Variants in NPNT observed in about 807,000 individuals in gnomAD.
The protein encoded by NPNT is preosteoblast EGF-like repeat protein with MAM domain.
Under a neutral mutation model 68.6 loss-of-function variants are expected in NPNT, and 45 were observed. The ratio of observed to expected loss-of-function variants is 0.66; its 90% CI spans 0.52 to 0.84. The LOEUF (loss-of-function observed/expected upper bound fraction) is 0.84, where lower values mean the gene tolerates loss of function less well. NPNT is among the 40% of genes least tolerant of loss of function. The probability of loss-of-function intolerance (pLI) is 0.00; values close to 1 mark genes in which losing one functional copy is unlikely to be tolerated. For synonymous variants in NPNT, 233 were observed against 253.3 expected (o/e 0.92, Z 0.76); for missense variants, 672 against 714.8 (o/e 0.94, Z 0.68).
At chr4:105,912,510 G>A in intron 2 of NPNT, 1 of 591,060 alleles carries the variant, frequency 1.7e-6, no homozygotes, top group Non-Finnish European at 2.3e-6. Context: ...TCCATTCTAA[G>A]CTAAAGGACA....
chr4:105,932,632 C>T (rs1239578970), intron 3 of NPNT: 3 of 1,535,776 alleles, frequency 2.0e-6, no homozygotes, highest in Non-Finnish European at 1.7e-6. Context: ...ATCCCAGCTC[C>T]TCTTGACCAA....
At chr4:105,958,022 G>A (rs1054517703) in intron 8 of NPNT, among the ~76,000 whole-genome samples, 1 of 152,118 alleles carries the variant, frequency 6.6e-6, no homozygotes, top group Non-Finnish European at 1.5e-5. Context: ...GAGTTCACTG[G>A]GGGTGGGGAG....
In NPNT at chr4:105,969,630, T is replaced by C. The variant is rs1732432716; in HGVS notation, c.*640T>C. On this transcript the variant is annotated 3_prime_UTR_variant, in exon 12 of 12. Transcript: ENST00000379987. The stretch of plus-strand genomic sequence containing the variant: ...GCACGTAATCCCTCCTTAGTAGTAT[T>C]GTGTTTTGTGTAAATGTGCTATTGA... 1 of 152,214 alleles carries C rather than the reference T, an allele frequency of 6.6e-6. No individual in the cohort carries two copies. Among genetic ancestry groups the C allele is most frequent in the African/African-American group, 2.4e-5 (1 of 41,444 alleles). 9.4% of individuals were successfully genotyped at this position (152,214 alleles called of 1,614,324 possible). A position where few individuals can be genotyped will look rare whatever the true frequency, so the allele number is the denominator to read the frequency against.
chr4:105,942,772 C>T lies in NPNT; in HGVS notation c.1159+70C>T. Reference sequence around the variant, plus strand: ...ATGACTTTTCAACCACAGGCCATGCCTTGAATAAGAATGAAACTCGTAAGA... The same window carrying T: ...ATGACTTTTCAACCACAGGCCATGCTTTGAATAAGAATGAAACTCGTAAGA... On this transcript the variant is annotated intron_variant, in intron 8 of 11. Coordinates refer to ENST00000379987, the MANE Select transcript of NPNT (RefSeq NM_001033047.3). 2.8e-6 allele frequency: 4 copies of T among 1,413,570 alleles called. No individual in the cohort carries two copies. The Admixed American group carries it at 9.0e-5, about 32-fold the overall frequency. 87.6% of individuals were successfully genotyped at this position (1,413,570 alleles called of 1,614,324 possible).
intron 3 of NPNT, among the ~76,000 whole-genome samples, chr4:105,932,304 C>T (rs902619981): frequency 2.0e-5 from 3 of 151,854 alleles, no homozygotes; most frequent in Non-Finnish European, 4.4e-5. Flanking sequence ...CTGTGTATGA[C>T]TAAATAATAC....
At chr4:105,910,143 C>T (rs73839086) in intron 2 of NPNT, among the ~76,000 whole-genome samples, 10,805 of 151,958 alleles carry the variant, frequency 0.071, 686 homozygotes, top group African/African-American at 0.17. Flanking sequence ...AGGACTGGCT[C>T]CAAACCCATA....
At chr4:105,953,266 C>T (rs1413325729) in intron 8 of NPNT, among the ~76,000 whole-genome samples, 1 of 152,178 alleles carries the variant, frequency 6.6e-6, no homozygotes, top group African/African-American at 2.4e-5. Context: ...AGGTATGTCA[C>T]AAAAATTGGG....
chr4:105,934,868 C>G lies in NPNT; in HGVS notation c.266-2141C>G, dbSNP rs563881558. ...GCCATGGGAACGGAAGGATAAATTT[C>G]GGTCGAAGCCATTCTCTAAAACCAC... On this transcript the variant is annotated intron_variant, in intron 3 of 11. Coordinates refer to ENST00000379987, the MANE Select transcript of NPNT (RefSeq NM_001033047.3). Among the ~76,000 whole-genome samples the G allele has an allele frequency of 3.5e-4, 54 of 152,186 alleles. 1 individual carries two copies. Among genetic ancestry groups the G allele is most frequent in the Admixed American group, 3.1e-3 (48 of 15,276 alleles).
intron 8 of NPNT, among the ~76,000 whole-genome samples, chr4:105,955,119 A>G (rs562127047): frequency 6.6e-6 from 1 of 152,312 alleles, no homozygotes; most frequent in East Asian, 1.9e-4. Context: ...AATTTATACC[A>G]TTCTAATTCT....
Position 105,964,884 on chromosome 4 carries a change from G to T in NPNT, c.1346-2304G>T, listed in dbSNP as rs557900150. On this transcript the variant is annotated intron_variant, in intron 10 of 11. Transcript: ENST00000379987. ...ATTGGCATACTTGCAGCAATGCAAAGTGTATTTGCTACCATAGAAAAATGG... is the reference window on the plus strand; with the variant it reads ...ATTGGCATACTTGCAGCAATGCAAATTGTATTTGCTACCATAGAAAAATGG... 5.9e-5 allele frequency among the ~76,000 whole-genome samples: 9 copies of T among 152,324 alleles called. No individual in the cohort carries two copies. The East Asian group carries it at 1.7e-3, about 29-fold the overall frequency.
At chr4:105,957,988 T>A (rs924569647) in intron 8 of NPNT, among the ~76,000 whole-genome samples, 1 of 152,146 alleles carries the variant, frequency 6.6e-6, no homozygotes, top group African/African-American at 2.4e-5. Context: ...GTAGGAAATG[T>A]ATATTAGAGT....
Position 105,958,487 on chromosome 4 carries a change from A to C in NPNT, c.1176A>C (p.Ser392=). ...RGDVFIPRQP[S]NDLFEIFEIE... The stretch of plus-strand genomic sequence containing the variant: ...CTCTTGCAGTTCCACGGCAACCTTC[A>C]AATGACTTGTTTGAAATATTTGAAA... Residue 392 remains serine (S), a synonymous_variant, in exon 9 of 12, where the codon TCA becomes TCC. Transcript: ENST00000379987. 6.2e-7 allele frequency: 1 copy of C among 1,611,248 alleles called. No individual in the cohort carries two copies. Among genetic ancestry groups the C allele is most frequent in the Non-Finnish European group, 8.5e-7 (1 of 1,178,058 alleles).
chr4:105,958,643 C>A lies in NPNT; in HGVS notation c.1246+86C>A, dbSNP rs1201352274. On this transcript the variant is annotated intron_variant, in intron 9 of 11. Coordinates refer to ENST00000379987, the MANE Select transcript of NPNT (RefSeq NM_001033047.3). ...AACTTTTAAATGTAGATCGTTTGGA[C>A]CATTTGGGAAAATTACACCTGTTTT... The A allele has an allele frequency of 2.6e-5, 19 of 729,592 alleles. No individual in the cohort carries two copies. In the Admixed American group the frequency reaches 6.2e-4, roughly 24 times the overall value. The allele number at this position is 729,592 out of a possible 1,614,324, so 45.2% of individuals were successfully genotyped here.
rs147786422 is a variant in NPNT at position 105,968,985 on chromosome 4, C to G, written c.1693C>G (p.Arg565Gly). Reference sequence around the variant, plus strand: ...GAAAAAAGGCCACTGCTCTGAAGAACGCTAACAACTCCAGAACTAACAATG... The same window carrying G: ...GAAAAAAGGCCACTGCTCTGAAGAAGGCTAACAACTCCAGAACTAACAATG... ...SLKKGHCSEER is the reference protein window; with the variant it reads ...SLKKGHCSEEG Residue 565 changes from arginine to glycine, a missense_variant, in exon 12 of 12, where the codon CGC becomes GGC. Coordinates refer to ENST00000379987, the MANE Select transcript of NPNT (RefSeq NM_001033047.3). 4.7e-6 allele frequency: 7 copies of G among 1,493,288 alleles called. No homozygotes were observed. The East Asian group carries it at 1.7e-4, about 36-fold the overall frequency. The allele number at this position is 1,493,288 out of a possible 1,614,324, so 92.5% of individuals were successfully genotyped here.
At chr4:105,940,963 C>T (rs905308435) in intron 7 of NPNT, among the ~76,000 whole-genome samples, 10 of 152,032 alleles carry the variant, frequency 6.6e-5, no homozygotes, top group South Asian at 2.1e-4. Context: ...TTGCCATTAG[C>T]GTTAGATTTT....
At chr4:105,895,759 C>G in intron 1 of NPNT, 36 bp downstream of exon 1, 1 of 1,526,036 alleles carries the variant, frequency 6.6e-7, no homozygotes, top group Non-Finnish European at 8.9e-7. Flanking sequence ...TCCTCCTTCC[C>G]GCGCTAATTT....
chr4:105,898,811 T>C (rs1000634327), intron 2 of NPNT, among the ~76,000 whole-genome samples: 7 of 152,152 alleles, frequency 4.6e-5, no homozygotes, highest in Non-Finnish European at 1.0e-4. Flanking sequence ...GATCTTAAAA[T>C]TGTATCTCAC....
chr4:105,908,575 T>G (rs934848269), intron 2 of NPNT, among the ~76,000 whole-genome samples: 2 of 152,102 alleles, frequency 1.3e-5, no homozygotes, highest in Admixed American at 1.3e-4. Context: ...TAGCCTTTTT[T>G]TTTTTTGAGA....
At chr4:105,958,789 A>G (rs1731446666) in intron 9 of NPNT, 1 of 539,590 alleles carries the variant, frequency 1.9e-6, no homozygotes, top group Non-Finnish European at 3.3e-6. Context: ...ATCATATTTT[A>G]TAAGTGATGA....
Sources: gnomAD v4.1 joint callset for allele counts (sites outside exome capture counted in the v4.1 genomes callset) on GRCh38, gnomAD v4.1.1 for gene constraint, MANE v1.5 for transcripts, NCBI Gene and HGNC (gene_info 2026-07-23, HGNC 2026-07-21) for gene names.